Variants in RANBP2 observed in about 807,000 individuals in gnomAD.
RANBP2 encodes the protein E3 SUMO-protein ligase RanBP2.
In RANBP2, 57 loss-of-function variants were observed where a neutral mutation model predicts 303.6. The observed-to-expected ratio is 0.19, with a 90% CI of 0.15 to 0.23. The LOEUF is 0.23. Among genes scored for constraint, RANBP2 ranks in the 10% least tolerant of loss-of-function variants. RANBP2 has a pLI of 1.00. For missense variants in RANBP2, 3,138 were observed against 3,780.8 expected, an observed-to-expected ratio of 0.83 and a Z score of 4.46; for synonymous variants, 1,167 against 1,301.5, an observed-to-expected ratio of 0.90 and a Z score of 2.23.
At chr2:109,166,196 A>C in the RANBP2 span, among the ~76,000 whole-genome samples, 3 of 152,124 alleles carry the variant, frequency 2.0e-5, no homozygotes, top group Admixed American at 2.0e-4. Flanking sequence ...GGAAAGATGC[A>C]GGCCAGGCAC....
At chr2:109,021,669 AAG>A in the RANBP2 span, among the ~76,000 whole-genome samples, 1 of 151,976 alleles carries the variant, frequency 6.6e-6, no homozygotes, top group Admixed American at 6.5e-5. Flanking sequence ...AAGCGAGGTA[AAG>A]AGAGCAGAGG....
At chr2:109,644,857 C>T in the RANBP2 span, among the ~76,000 whole-genome samples, 1 of 152,206 alleles carries the variant, frequency 6.6e-6, no homozygotes, top group Non-Finnish European at 1.5e-5. Context: ...TCACAAGATC[C>T]TAAGCCCCAA....
At chr2:109,276,088 GA>G in the RANBP2 span, among the ~76,000 whole-genome samples, 1 of 152,146 alleles carries the variant, frequency 6.6e-6, no homozygotes, top group Non-Finnish European at 1.5e-5. Context: ...CTCTTCCCAG[GA>G]AGGGGGATCT....
the RANBP2 span, among the ~76,000 whole-genome samples, chr2:109,195,208 ATAGGAC>A: frequency 0.82 from 123,522 of 151,322 alleles, 50,540 homozygotes; most frequent in East Asian, 0.89. Flanking sequence ...TAGGAGAGTG[ATAGGAC>A]TAGGACTAGG....
chr2:109,217,154 C>T, the RANBP2 span, among the ~76,000 whole-genome samples: 21 of 152,348 alleles, frequency 1.4e-4, no homozygotes, highest in Middle Eastern at 3.4e-3. Context: ...CGGTCATCCA[C>T]ATCTTGTTTA....
the RANBP2 span, among the ~76,000 whole-genome samples, chr2:108,909,632 A>C: frequency 6.6e-6 from 1 of 152,202 alleles, no homozygotes; most frequent in Non-Finnish European, 1.5e-5. Context: ...GGGTCCGAGC[A>C]CATTGCCTGG....
At chr2:108,816,386 G>T in the RANBP2 span, among the ~76,000 whole-genome samples, 1 of 152,128 alleles carries the variant, frequency 6.6e-6, no homozygotes, top group Non-Finnish European at 1.5e-5. Flanking sequence ...GGGAGGTGGA[G>T]GTTGCAGTGA....
At chr2:109,185,741 A>T in the RANBP2 span, among the ~76,000 whole-genome samples, 1 of 151,884 alleles carries the variant, frequency 6.6e-6, no homozygotes, top group Non-Finnish European at 1.5e-5. Flanking sequence ...GACAGACAAA[A>T]CTCATCCAGG....
At chr2:109,574,584 G>A in the RANBP2 span, 4 of 1,526,708 alleles carry the variant, frequency 2.6e-6, no homozygotes, top group East Asian at 2.4e-5. Context: ...AACCCACCTT[G>A]CTGTCAAGGT....
the RANBP2 span, among the ~76,000 whole-genome samples, chr2:109,578,532 G>A: frequency 1.3e-4 from 4 of 31,338 alleles, no homozygotes; most frequent in Non-Finnish European, 2.9e-4. Flanking sequence ...TTGGGAGGCC[G>A]AGGAGGGTGG....
the RANBP2 span, among the ~76,000 whole-genome samples, chr2:109,589,781 T>C: frequency 6.6e-6 from 1 of 152,048 alleles, no homozygotes; most frequent in South Asian, 2.1e-4. Flanking sequence ...AAAACATATG[T>C]CCACCCAAGA....
the RANBP2 span, among the ~76,000 whole-genome samples, chr2:109,239,484 C>T: frequency 1.1e-3 from 165 of 152,282 alleles, no homozygotes; most frequent in African/African-American, 3.7e-3. Flanking sequence ...TTAGAACAAA[C>T]GGACTACAAT....
the RANBP2 span, among the ~76,000 whole-genome samples, chr2:109,224,319 A>T: frequency 1.3e-5 from 2 of 152,278 alleles, no homozygotes; most frequent in African/African-American, 4.8e-5. Flanking sequence ...TATATGTCAC[A>T]TATTGGACAA....
chr2:108,732,224 A>T (rs1695222742), intron 4 of RANBP2, among the ~76,000 whole-genome samples: 2 of 152,188 alleles, frequency 1.3e-5, no homozygotes, highest in South Asian at 2.1e-4. Flanking sequence ...AAATAATTAT[A>T]GATTTTTTTG....
At chr2:109,019,120 A>G in the RANBP2 span, among the ~76,000 whole-genome samples, 2 of 152,250 alleles carry the variant, frequency 1.3e-5, 1 homozygote, top group South Asian at 4.1e-4. Flanking sequence ...CCCGGGTTCA[A>G]ATGCCGTCTC....
At chr2:109,614,456 GCCGC>G in the RANBP2 span, 7 of 1,210,610 alleles carry the variant, frequency 5.8e-6, no homozygotes, top group Non-Finnish European at 7.2e-6. Context: ...ACCGCGCTGA[GCCGC>G]CCGCTGGCGG....
At chr2:109,228,115 C>G in the RANBP2 span, among the ~76,000 whole-genome samples, 1 of 152,178 alleles carries the variant, frequency 6.6e-6, no homozygotes, top group South Asian at 2.1e-4. Context: ...CAGGCAATCT[C>G]TAATGGCTGT....
chr2:108,873,648 A>G, the RANBP2 span: 1,269,788 of 1,286,686 alleles, frequency 0.99, 626,596 homozygotes, highest in East Asian at 1. Context: ...TGATCATTTA[A>G]ACCAGGGGTT....
chr2:109,078,117 TA>T, the RANBP2 span, among the ~76,000 whole-genome samples: 2 of 75,278 alleles, frequency 2.7e-5, no homozygotes, highest in Non-Finnish European at 5.1e-5. Flanking sequence ...TATATATATA[TA>T]GCGTGTATAT....
Sources: gnomAD v4.1 joint callset for allele counts (sites outside exome capture counted in the v4.1 genomes callset) on GRCh38, gnomAD v4.1.1 for gene constraint, MANE v1.5 for transcripts, NCBI Gene and HGNC (gene_info 2026-07-23, HGNC 2026-07-21) for gene names.